Variants in RBPJ observed in about 807,000 individuals in gnomAD.
The protein encoded by RBPJ is recombination signal binding protein for immunoglobulin kappa J region, also known as recombining binding protein suppressor of hairless.
A neutral mutation model predicts 67.8 loss-of-function variants in RBPJ; 9 were observed. The observed-to-expected ratio is 0.13, with a 90% CI of 0.08 to 0.23. RBPJ has a LOEUF of 0.23. Among genes scored for constraint, RBPJ ranks in the 10% least tolerant of loss-of-function variants. The pLI is 1.00. For synonymous variants in RBPJ, 198 were observed against 203.3 expected (o/e 0.97, Z 0.22); for missense variants, 305 against 595.6 (o/e 0.51, Z 5.08).
At chr4:26,346,403 C>T (rs1248814196) in intron 1 of RBPJ, among the ~76,000 whole-genome samples, 2 of 152,094 alleles carry the variant, frequency 1.3e-5, no homozygotes, top group African/African-American at 4.8e-5. Context: ...GGCTGGCTGC[C>T]TAATCTTATT....
intron 1 of RBPJ, among the ~76,000 whole-genome samples, chr4:26,339,210 G>A (rs914864437): frequency 3.9e-5 from 6 of 152,162 alleles, no homozygotes; most frequent in Admixed American, 2.0e-4. Context: ...GTACCCAGGA[G>A]GTCTCTAGTT....
chr4:26,139,457 C>G, the RBPJ span, among the ~76,000 whole-genome samples: 1 of 152,364 alleles, frequency 6.6e-6, no homozygotes, highest in East Asian at 1.9e-4. Flanking sequence ...TTAGCATCCA[C>G]AGTGGCATGC....
chr4:26,173,558 G>A (rs1014659686), intron 1 of RBPJ, among the ~76,000 whole-genome samples: 11 of 152,128 alleles, frequency 7.2e-5, no homozygotes, highest in Non-Finnish European at 1.3e-4. Flanking sequence ...TTTTATTTAC[G>A]TCTAACCTTA....
At chr4:26,234,968 A>G (rs549023031) in intron 1 of RBPJ, among the ~76,000 whole-genome samples, 1 of 152,282 alleles carries the variant, frequency 6.6e-6, no homozygotes, top group East Asian at 1.9e-4. Flanking sequence ...CTGGGATTAC[A>G]GGTGTGAGCC....
At chr4:26,391,997 G>A (rs1331509531) in intron 2 of RBPJ, among the ~76,000 whole-genome samples, 1 of 152,168 alleles carries the variant, frequency 6.6e-6, no homozygotes, top group Non-Finnish European at 1.5e-5. Context: ...TCCTCACATG[G>A]CAGGAGGGAC....
intron 1 of RBPJ, among the ~76,000 whole-genome samples, chr4:26,295,269 T>G (rs572456861): frequency 1.3e-5 from 2 of 151,008 alleles, no homozygotes; most frequent in South Asian, 2.1e-4. Flanking sequence ...TGTGTGTGTG[T>G]GGGTGTGTGT....
At chr4:26,376,043 C>G (rs1327942410) in intron 1 of RBPJ, among the ~76,000 whole-genome samples, 1 of 152,118 alleles carries the variant, frequency 6.6e-6, no homozygotes, top group African/African-American at 2.4e-5. Context: ...AACATAGGAC[C>G]CTTCACAGCT....
intron 1 of RBPJ, among the ~76,000 whole-genome samples, chr4:26,334,594 C>T (rs191393410): frequency 4.4e-4 from 67 of 152,260 alleles, no homozygotes; most frequent in African/African-American, 1.5e-3. Context: ...ACGTCCGTTT[C>T]CTTTCTTAAC....
At chr4:26,117,409 A>G in the RBPJ span, among the ~76,000 whole-genome samples, 3 of 152,124 alleles carry the variant, frequency 2.0e-5, no homozygotes, top group Non-Finnish European at 4.4e-5. Flanking sequence ...CACTATACCT[A>G]ACAAAACCAA....
chr4:26,351,036 C>T (rs1381629907), intron 1 of RBPJ, among the ~76,000 whole-genome samples: 2 of 151,958 alleles, frequency 1.3e-5, no homozygotes, highest in Non-Finnish European at 2.9e-5. Flanking sequence ...ACAAGCTTAG[C>T]ATTCCAATAA....
intron 1 of RBPJ, among the ~76,000 whole-genome samples, chr4:26,186,939 G>A (rs535705700): frequency 6.6e-6 from 1 of 152,210 alleles, no homozygotes; most frequent in South Asian, 2.1e-4. Flanking sequence ...ACACAAACAA[G>A]GCCTGGCGCA....
intron 1 of RBPJ, among the ~76,000 whole-genome samples, chr4:26,282,131 TC>T: frequency 2.6e-5 from 2 of 76,306 alleles, no homozygotes; most frequent in African/African-American, 8.1e-5. Context: ...ATCCTCTCTC[TC>T]TCTCTTTTTT....
In RBPJ at chr4:26,430,740, A is replaced by G; in HGVS notation, c.1197A>G (p.Arg399=). 1 of 1,614,050 alleles carries G rather than the reference A, an allele frequency of 6.2e-7. No individual in the cohort carries two copies. The highest frequency in any genetic ancestry group is 8.5e-7 in the Non-Finnish European group (1 of 1,180,014). Residue 399 remains arginine, a synonymous_variant, in exon 11 of 11, where the codon CGA becomes CGG. Coordinates refer to ENST00000355476, the MANE Select transcript of RBPJ (RefSeq NM_015874.6). This position sits in a 1 kb window ranked among gnomAD's most constrained non-coding sequence, Gnocchi z 4.1. ...LCVVPDISAF[R]EGWRWVRQPV... is the part of the protein sequence containing the mutation. ...TCGTCCCAGACATTTCTGCATTCCG[A>G]GAAGGTTGGAGATGGGTCCGGCAAC...
chr4:26,259,289 A>C (rs1025714049), intron 1 of RBPJ, among the ~76,000 whole-genome samples: 4 of 152,154 alleles, frequency 2.6e-5, no homozygotes, highest in African/African-American at 9.7e-5. Flanking sequence ...GCATTTTTTC[A>C]TTAAAGCTTT....
chr4:26,351,547 A>G (rs1372535590), intron 1 of RBPJ, among the ~76,000 whole-genome samples: 1 of 152,004 alleles, frequency 6.6e-6, no homozygotes, highest in Middle Eastern at 3.2e-3. Context: ...CACCTGGCTA[A>G]TTTTTGTATT....
intron 1 of RBPJ, among the ~76,000 whole-genome samples, chr4:26,309,741 A>G (rs1349231343): frequency 1.3e-5 from 2 of 152,194 alleles, no homozygotes; most frequent in Non-Finnish European, 1.5e-5. Flanking sequence ...TAAAAATTTA[A>G]GTATATTCCC....
chr4:26,157,106 AAC>A, the RBPJ span, among the ~76,000 whole-genome samples: 2,601 of 94,290 alleles, frequency 0.028, 63 homozygotes, highest in Admixed American at 0.05. Flanking sequence ...AACAAAAACA[AAC>A]AAACAAACAA....
chr4:26,287,408 C>T (rs1721502738), intron 1 of RBPJ, among the ~76,000 whole-genome samples: 2 of 151,208 alleles, frequency 1.3e-5, no homozygotes, highest in Non-Finnish European at 2.9e-5. Context: ...TAACAATTAG[C>T]CAGACATGGT....
chr4:26,174,934 G>A (rs1173396857), intron 1 of RBPJ, among the ~76,000 whole-genome samples: 3 of 152,036 alleles, frequency 2.0e-5, no homozygotes, highest in East Asian at 3.9e-4. Flanking sequence ...AAAATTATGG[G>A]AAATGAATTC....
Sources: gnomAD v4.1 joint callset for allele counts (sites outside exome capture counted in the v4.1 genomes callset) on GRCh38, gnomAD v4.1.1 for gene constraint, Gnocchi (gnomAD v3.1) non-coding constraint, MANE v1.5 for transcripts, NCBI Gene and HGNC (gene_info 2026-07-23, HGNC 2026-07-21) for gene names.